Variants in EFCAB6 observed in about 807,000 individuals in gnomAD.
EFCAB6 encodes EF-hand calcium binding domain 6.
Under a neutral mutation model 169.8 loss-of-function variants are expected in EFCAB6, and 156 were observed. The ratio of observed to expected loss-of-function variants is 0.92; its 90% CI spans 0.81 to 1.05. The LOEUF (loss-of-function observed/expected upper bound fraction) is 1.05. Among genes scored for constraint, EFCAB6 ranks in the 50% least tolerant of loss-of-function variants. The probability of loss-of-function intolerance (pLI) is 0.00; values close to 1 mark genes in which losing one functional copy is unlikely to be tolerated. For synonymous variants in EFCAB6, 698 were observed against 676.4 expected (o/e 1.03, Z -0.50); for missense variants, 1,800 against 1,829.1 (o/e 0.98, Z 0.29).
intron 2 of EFCAB6, among the ~76,000 whole-genome samples, chr22:43,807,654 A>C (rs1008264293): frequency 2.0e-5 from 3 of 152,210 alleles, no homozygotes; most frequent in Non-Finnish European, 4.4e-5. Flanking sequence ...ACCAGAAGCA[A>C]AAATTGCTGG....
chr22:43,637,741 T>TCTGCAGAGGAGCCTGTCC (rs1429131828), intron 17 of EFCAB6, among the ~76,000 whole-genome samples: 2 of 152,170 alleles, frequency 1.3e-5, no homozygotes, highest in African/African-American at 4.8e-5. Flanking sequence ...CCGGCCCAGC[T>TCTGCAGAGGAGCCTGTCC]CTGCAGAGGA....
chr22:43,811,188 G>C (rs1039158182), intron 1 of EFCAB6, among the ~76,000 whole-genome samples: 1 of 151,666 alleles, frequency 6.6e-6, no homozygotes, highest in Non-Finnish European at 1.5e-5. Flanking sequence ...ACCGAGGCAC[G>C]AGAATCGCTT....
intron 15 of EFCAB6, among the ~76,000 whole-genome samples, chr22:43,670,505 T>C (rs904968271): frequency 6.6e-5 from 10 of 152,240 alleles, no homozygotes; most frequent in Non-Finnish European, 1.3e-4. Context: ...TGACATGCTC[T>C]GTGTATATGT....
intron 26 of EFCAB6, among the ~76,000 whole-genome samples, chr22:43,569,031 C>T (rs1430684354): frequency 1.3e-5 from 2 of 152,206 alleles, no homozygotes; most frequent in Non-Finnish European, 2.9e-5. Flanking sequence ...CTGTGCCTCC[C>T]TCCCTTTGGC....
At chr22:43,543,377 T>G (rs1358729777) in intron 27 of EFCAB6, among the ~76,000 whole-genome samples, 1 of 152,136 alleles carries the variant, frequency 6.6e-6, no homozygotes, top group Non-Finnish European at 1.5e-5. Flanking sequence ...CTGCTGGTGC[T>G]CTAGATCCAC....
intron 8 of EFCAB6, among the ~76,000 whole-genome samples, chr22:43,720,943 T>C (rs1279912743): frequency 6.6e-6 from 1 of 152,208 alleles, no homozygotes; most frequent in Admixed American, 6.5e-5. Flanking sequence ...ACTATCTCTC[T>C]TTGCTGACAA....
intron 20 of EFCAB6, among the ~76,000 whole-genome samples, chr22:43,623,436 A>G (rs1210603018): frequency 6.6e-6 from 1 of 152,214 alleles, no homozygotes; most frequent in Non-Finnish European, 1.5e-5. Flanking sequence ...ATACCTTAAA[A>G]TGAAAATGTT....
intron 27 of EFCAB6, among the ~76,000 whole-genome samples, chr22:43,541,735 C>A (rs2047740201): frequency 6.6e-6 from 1 of 152,186 alleles, no homozygotes; most frequent in Non-Finnish European, 1.5e-5. Context: ...TGGCCAAAAC[C>A]ACTGGGCAGA....
At position 43,572,818 on chromosome 22, in the gene EFCAB6, G is replaced by T. The variant is rs2049974811; in HGVS notation, c.3420+3479C>A. 6.6e-6 allele frequency among the ~76,000 whole-genome samples: 1 copy of T among 152,212 alleles called. No homozygotes were observed. Among genetic ancestry groups the T allele is most frequent in the Non-Finnish European group, 1.5e-5 (1 of 68,044 alleles). On this transcript the variant is annotated intron_variant, in intron 26 of 31. Coordinates refer to ENST00000262726, the MANE Select transcript of EFCAB6 (RefSeq NM_022785.4). The surrounding 1 kb of genome is among the most constrained non-coding windows in gnomAD (Gnocchi z 4.0). ...CTAGAATGGGGGCTTCTGGAGGCAG[G>T]GACTGCATTTGTTTACTTTGCTGCT...
At chr22:43,636,767 C>T (rs1376797118) in intron 17 of EFCAB6, among the ~76,000 whole-genome samples, 5 of 151,936 alleles carry the variant, frequency 3.3e-5, no homozygotes, top group African/African-American at 4.8e-5. Flanking sequence ...CCTGCCACCA[C>T]GCCCAGCTAA....
intron 5 of EFCAB6, among the ~76,000 whole-genome samples, chr22:43,761,225 G>A (rs1199022691): frequency 6.6e-6 from 1 of 152,208 alleles, no homozygotes; most frequent in African/African-American, 2.4e-5. Context: ...CAAGAACTAT[G>A]AGAAATAAAT....
chr22:43,797,644 G>T (rs973121666), intron 2 of EFCAB6, among the ~76,000 whole-genome samples: 1 of 151,814 alleles, frequency 6.6e-6, no homozygotes, highest in Non-Finnish European at 1.5e-5. Context: ...CCCCTACTGT[G>T]GTCCCTTCTG....
chr22:43,671,260 G>A (rs569849471), intron 15 of EFCAB6, among the ~76,000 whole-genome samples: 2 of 152,096 alleles, frequency 1.3e-5, no homozygotes, highest in Non-Finnish European at 2.9e-5. Flanking sequence ...GGAGTGCGAT[G>A]GGGCAATCTC....
chr22:43,683,866 A>T lies in EFCAB6; in HGVS notation c.1143-11T>A, dbSNP rs1229580972. On this transcript the variant is annotated splice_polypyrimidine_tract_variant and intron_variant, in intron 11 of 31. Transcript: ENST00000262726. ...TTTCTAGAGTTGATGCTACAAGAGG[A>T]TTAGGAGAAAAGCAGGAATAAGATT... 1 of 1,580,570 alleles carries T rather than the reference A, an allele frequency of 6.3e-7. No homozygotes were observed. The highest frequency in any genetic ancestry group is 1.1e-5 in the South Asian group (1 of 90,370).
At chr22:43,772,616 G>A (rs1183525898) in intron 4 of EFCAB6, among the ~76,000 whole-genome samples, 2 of 146,854 alleles carry the variant, frequency 1.4e-5, no homozygotes, top group Admixed American at 1.4e-4. Flanking sequence ...ACTCCAGCCT[G>A]GGCAACAAGA....
chr22:43,766,148 G>C (rs899334758), intron 4 of EFCAB6, among the ~76,000 whole-genome samples: 4 of 152,142 alleles, frequency 2.6e-5, no homozygotes, highest in African/African-American at 9.7e-5. Context: ...CAATTCTCCT[G>C]CCTCAGGTTC....
intron 11 of EFCAB6, among the ~76,000 whole-genome samples, chr22:43,684,865 T>C (rs1440921674): frequency 6.6e-6 from 1 of 152,228 alleles, no homozygotes; most frequent in Non-Finnish European, 1.5e-5. Context: ...GGGGACTCAC[T>C]GCAGAGTGTT....
intron 26 of EFCAB6, among the ~76,000 whole-genome samples, chr22:43,561,225 C>T (rs1427868453): frequency 2.0e-5 from 3 of 151,812 alleles, no homozygotes; most frequent in Admixed American, 6.6e-5. Flanking sequence ...GGCGTGGTGG[C>T]GGGAGCCTGT....
At position 43,635,214 on chromosome 22, in the gene EFCAB6, T is replaced by C; in HGVS notation, c.1986A>G (p.Val662=). 6.2e-7 allele frequency: 1 copy of C among 1,612,268 alleles called. No individual in the cohort carries two copies. Among genetic ancestry groups the C allele is most frequent in the Non-Finnish European group, 8.5e-7 (1 of 1,178,388 alleles). Residue 662 remains valine (V), a splice_region_variant and synonymous_variant, in exon 18 of 32, where the codon GTA becomes GTG. Coordinates refer to ENST00000262726, the MANE Select transcript of EFCAB6 (RefSeq NM_022785.4). ...GKINVHDFKK[V]LEDTGMPMDD... ...CCATGGGCATCCCAGTGTCTTCCAG[T>C]ACCTGACGAGGGAGACAGGGGAGGG...
Sources: allele counts gnomAD v4.1 joint callset (sites outside exome capture counted in the v4.1 genomes callset), GRCh38; gene constraint gnomAD v4.1.1; non-coding constraint Gnocchi (gnomAD v3.1); transcripts MANE v1.5; gene names NCBI Gene and HGNC (gene_info 2026-07-23, HGNC 2026-07-21).